The following PRRX2 variants were observed in gnomAD, a reference collection of about 807,000 sequenced individuals.
PRRX2 encodes the protein paired mesoderm homeobox protein 2.
Under a neutral mutation model 18.0 loss-of-function variants are expected in PRRX2, and 11 were observed. That is an observed-to-expected ratio of 0.61 (90% CI 0.39 to 1.01). The LOEUF is 1.01. PRRX2 is among the 50% of genes least tolerant of loss of function. The pLI is 0.01. For missense variants in PRRX2, 387 were observed against 351.0 expected (o/e 1.10, Z -0.82); for synonymous variants, 177 against 154.8 (o/e 1.14, Z -1.06).
At chr9:129,718,304 C>G (rs1418210271) in intron 1 of PRRX2, among the ~76,000 whole-genome samples, 1 of 152,210 alleles carries the variant, frequency 6.6e-6, no homozygotes, top group Non-Finnish European at 1.5e-5. Flanking sequence ...CCTTTGCAAG[C>G]TCCACCTCTC....
At chr9:129,682,879 C>T (rs1457378582) in intron 1 of PRRX2, among the ~76,000 whole-genome samples, 2 of 152,038 alleles carry the variant, frequency 1.3e-5, no homozygotes, top group Admixed American at 1.3e-4. Flanking sequence ...CCGGAGTGGG[C>T]GGATCACCTG....
chr9:129,683,794 T>G (rs73670169), intron 1 of PRRX2, among the ~76,000 whole-genome samples: 10,607 of 151,930 alleles, frequency 0.07, 506 homozygotes, highest in African/African-American at 0.13. Context: ...GCTGTTAAAT[T>G]CCACCGAAGA....
At chr9:129,720,526 C>G in intron 2 of PRRX2, 70 bp from the exon 3 acceptor site, 1 of 1,433,502 alleles carries the variant, frequency 7.0e-7, no homozygotes, top group Non-Finnish European at 9.4e-7. Flanking sequence ...AGAGCAGGCA[C>G]ACACCCAGGT....
At position 129,695,574 on chromosome 9, in the gene PRRX2, G is replaced by A. The variant is rs1386650340; in HGVS notation, c.260-23657G>A. ...TAGCCTGGCACAGAGCTGGGAGCCG[G>A]GCCGGGAGCCCCCAGCTGGCAGGCA... On this transcript the variant is annotated intron_variant, in intron 1 of 3. Coordinates refer to ENST00000372469, the MANE Select transcript of PRRX2 (RefSeq NM_016307.4). The surrounding 1 kb of genome is among the most constrained non-coding windows in gnomAD (Gnocchi z 4.8). Among the ~76,000 whole-genome samples, 2 of 152,282 alleles carry A rather than the reference G, an allele frequency of 1.3e-5. No individual in the cohort carries two copies. Among genetic ancestry groups the A allele is most frequent in the African/African-American group, 4.8e-5 (2 of 41,558 alleles).
intron 1 of PRRX2, among the ~76,000 whole-genome samples, chr9:129,684,525 CACACACA>C (rs373920683): frequency 9.2e-4 from 33 of 35,734 alleles, no homozygotes; most frequent in African/African-American, 3.5e-3. Flanking sequence ...CACACACACC[CACACACA>C]CCCCAACAGA....
In PRRX2 at chr9:129,715,747, T is replaced by TTCTCTCTCTC. The variant is rs111270890; in HGVS notation, c.260-3480_260-3479insTCTCTCTCTC. Among the ~76,000 whole-genome samples, 468 of 112,758 alleles carry TTCTCTCTCTC rather than the reference T, an allele frequency of 4.2e-3. 2 individuals carry two copies. The highest frequency in any genetic ancestry group is 0.013 in the African/African-American group (405 of 30,702). 74.0% of individuals were successfully genotyped at this position (112,758 alleles called of 152,430 possible). A position where few individuals can be genotyped will look rare whatever the true frequency, so the allele number is the denominator to read the frequency against. On this transcript the variant is annotated intron_variant, in intron 1 of 3. Transcript: ENST00000372469. The surrounding 1 kb of genome is among the most constrained non-coding windows in gnomAD (Gnocchi z 4.0). ...TCCAAACCCAGCTTCAGGGACATCT[T>TTCTCTCTCTC]TCTCACACACACACACACACACACA...
At chr9:129,670,359 T>C (rs1832085122) in intron 1 of PRRX2, among the ~76,000 whole-genome samples, 1 of 152,018 alleles carries the variant, frequency 6.6e-6, no homozygotes, top group Admixed American at 6.6e-5. Flanking sequence ...CATTCTATGG[T>C]AGTTCTACCT....
chr9:129,703,422 G>A (rs189697866), intron 1 of PRRX2, among the ~76,000 whole-genome samples: 3 of 152,190 alleles, frequency 2.0e-5, no homozygotes, highest in South Asian at 2.1e-4. Flanking sequence ...CAGCAACTTC[G>A]CCTGGTCTGG....
chr9:129,690,104 C>T (rs539180240), intron 1 of PRRX2, among the ~76,000 whole-genome samples: 101 of 152,196 alleles, frequency 6.6e-4, no homozygotes, highest in Middle Eastern at 3.4e-3. Flanking sequence ...AGTAATGCCC[C>T]GTGCAGCTAG....
intron 1 of PRRX2, 114 bp from the exon 2 acceptor site, chr9:129,719,117 G>T: frequency 1.0e-6 from 1 of 982,920 alleles, no homozygotes. Flanking sequence ...TTAAAGGGAC[G>T]CATTCCTGGC....
intron 1 of PRRX2, among the ~76,000 whole-genome samples, chr9:129,691,087 G>A (rs780457998): frequency 6.6e-6 from 1 of 151,656 alleles, no homozygotes. Flanking sequence ...CACTTTGGGA[G>A]GCTGAGGCGG....
At chr9:129,710,502 G>T (rs949742944) in intron 1 of PRRX2, among the ~76,000 whole-genome samples, 12 of 152,198 alleles carry the variant, frequency 7.9e-5, no homozygotes, top group African/African-American at 2.9e-4. Context: ...GGGAGGCTGA[G>T]GCGGGTGGAC....
At chr9:129,678,368 T>C (rs553782140) in intron 1 of PRRX2, among the ~76,000 whole-genome samples, 244 of 152,290 alleles carry the variant, frequency 1.6e-3, no homozygotes, top group Non-Finnish European at 3.0e-3. Flanking sequence ...GTTGAGCACC[T>C]ACTGCACGCC....
At chr9:129,707,302 A>G (rs1832569417) in intron 1 of PRRX2, among the ~76,000 whole-genome samples, 1 of 152,100 alleles carries the variant, frequency 6.6e-6, no homozygotes. Flanking sequence ...CATGCACTAT[A>G]TATTCCCTTC....
rs1167168968 is a variant in PRRX2 at position 129,701,810 on chromosome 9, T to C, written c.260-17421T>C. On this transcript the variant is annotated intron_variant, in intron 1 of 3. Transcript: ENST00000372469. The stretch of plus-strand genomic sequence containing the variant: ...TGTAGGAGATTTTTTTCCTTTCAAA[T>C]GTCCTTAGGCCAGGCGCAGTGGCTC... 6.6e-5 allele frequency among the ~76,000 whole-genome samples: 10 copies of C among 152,282 alleles called. No homozygotes were observed. The East Asian group carries it at 1.5e-3, about 24-fold the overall frequency.
chr9:129,667,255 C>T (rs1195872520), intron 1 of PRRX2, among the ~76,000 whole-genome samples: 3 of 152,214 alleles, frequency 2.0e-5, no homozygotes, highest in Admixed American at 2.0e-4. Flanking sequence ...CTGCACCCTC[C>T]GGGGTGAGTG....
rs551108425 is a variant in PRRX2, at chr9:129,674,516, A to C, written c.259+8390A>C. ...GACCGGGCAACAGGCTGTGGGCTGC[A>C]AAACTCGCAGTCTTTGGAGAAGACT... On this transcript the variant is annotated intron_variant, in intron 1 of 3. Transcript: ENST00000372469. Among the ~76,000 whole-genome samples, 14 of 152,278 alleles carry C rather than the reference A, an allele frequency of 9.2e-5. No individual in the cohort carries two copies. The South Asian group carries it at 2.9e-3, about 32-fold the overall frequency.
Position 129,699,447 on chromosome 9 carries a change from G to A in PRRX2, c.260-19784G>A, listed in dbSNP as rs1351899655. Among the ~76,000 whole-genome samples, 627 of 150,998 alleles carry A rather than the reference G, an allele frequency of 4.2e-3. 3 individuals carry two copies. Among genetic ancestry groups the A allele is most frequent in the African/African-American group, 0.014 (573 of 41,186 alleles). ...TCAAAAAAAATATATATATGTGTGT[G>A]TGTGTGTGTGTGTGTGTGTGTGTGT... On this transcript the variant is annotated intron_variant, in intron 1 of 3. Coordinates refer to ENST00000372469, the MANE Select transcript of PRRX2 (RefSeq NM_016307.4).
intron 1 of PRRX2, among the ~76,000 whole-genome samples, chr9:129,678,473 C>T (rs760662019): frequency 1.1e-4 from 16 of 152,180 alleles, no homozygotes; most frequent in Non-Finnish European, 2.2e-4. Context: ...CAACACACGA[C>T]GGGGCCCCTA....
Sources: gnomAD v4.1 joint callset for allele counts (sites outside exome capture counted in the v4.1 genomes callset) on GRCh38, gnomAD v4.1.1 for gene constraint, Gnocchi (gnomAD v3.1) non-coding constraint, MANE v1.5 for transcripts, NCBI Gene and HGNC (gene_info 2026-07-23, HGNC 2026-07-21) for gene names.